Variants in INPP4B observed in about 807,000 individuals in gnomAD.
INPP4B encodes the protein inositol polyphosphate-4-phosphatase type II B.
Under a neutral mutation model 122.5 loss-of-function variants are expected in INPP4B, and 55 were observed. The observed-to-expected ratio is 0.45, with a 90% CI of 0.36 to 0.56. The LOEUF is 0.56. Among genes scored for constraint, INPP4B ranks in the 20% least tolerant of loss-of-function variants. INPP4B has a pLI of 0.00. For missense variants in INPP4B, 1,000 were observed against 1,097.7 expected, an observed-to-expected ratio of 0.91 and a Z score of 1.26; for synonymous variants, 403 against 388.7, an observed-to-expected ratio of 1.04 and a Z score of -0.43.
intron 9 of INPP4B, among the ~76,000 whole-genome samples, chr4:142,302,477 G>A (rs565118441): frequency 6.6e-6 from 1 of 152,214 alleles, no homozygotes; most frequent in East Asian, 1.9e-4. Context: ...TTCATACCCT[G>A]CCTTTCCCAT....
At position 142,293,040 on chromosome 4, in the gene INPP4B, C is replaced by CTTTTTT. The variant is rs367850143; in HGVS notation, c.503+12412_503+12417dup. Among the ~76,000 whole-genome samples the CTTTTTT allele has an allele frequency of 1.4e-5, 2 of 145,926 alleles. 1 individual carries two copies. The stretch of plus-strand genomic sequence containing the variant: ...AAGGTAATTACCTAATTTTTATACC[C>CTTTTTT]TTTTTTTTTTTTTTTAAGACAGAGT... On this transcript the variant is annotated intron_variant, in intron 9 of 25. Coordinates refer to ENST00000262992, the MANE Select transcript of INPP4B (RefSeq NM_001101669.3).
chr4:142,321,668 C>T (rs1320817838), intron 7 of INPP4B, among the ~76,000 whole-genome samples: 1 of 152,006 alleles, frequency 6.6e-6, no homozygotes, highest in East Asian at 1.9e-4. Context: ...TGTTCCGGCA[C>T]CATTTGTTGA....
chr4:142,339,363 C>G (rs532852966), intron 7 of INPP4B, among the ~76,000 whole-genome samples: 1 of 152,302 alleles, frequency 6.6e-6, no homozygotes, highest in Non-Finnish European at 1.5e-5. Context: ...ATTGTAAGTG[C>G]TGCTTTCCTA....
intron 9 of INPP4B, among the ~76,000 whole-genome samples, chr4:142,288,445 G>A (rs764453644): frequency 3.9e-5 from 6 of 152,126 alleles, no homozygotes; most frequent in South Asian, 2.1e-4. Flanking sequence ...TTAGCTGAGC[G>A]TGGTGTCAGG....
chr4:142,471,438 C>T (rs1818809389), intron 2 of INPP4B, among the ~76,000 whole-genome samples: 1 of 152,216 alleles, frequency 6.6e-6, no homozygotes, highest in African/African-American at 2.4e-5. Flanking sequence ...GTCAAGGAAA[C>T]ATCCCACCTT....
At chr4:142,081,724 G>A (rs963541910) in intron 25 of INPP4B, among the ~76,000 whole-genome samples, 2 of 151,960 alleles carry the variant, frequency 1.3e-5, no homozygotes, top group African/African-American at 4.8e-5. Flanking sequence ...TTGAGCCAAT[G>A]AGCTAATAAA....
At chr4:142,460,644 T>C (rs1456081567) in intron 3 of INPP4B, among the ~76,000 whole-genome samples, 1 of 152,168 alleles carries the variant, frequency 6.6e-6, no homozygotes, top group Non-Finnish European at 1.5e-5. Flanking sequence ...CTGTCTCTTG[T>C]CTTTCTGGTA....
Position 142,362,059 on chromosome 4 carries a change from G to A in INPP4B, c.372+40879C>T, listed in dbSNP as rs572372914. 3.3e-5 allele frequency among the ~76,000 whole-genome samples: 5 copies of A among 152,106 alleles called. No individual in the cohort carries two copies. The South Asian group carries it at 1.0e-3, about 32-fold the overall frequency. ...CAGGTGTCATAAGTATGACACAGATGTTAGAGAAGTTTAGAGGAGAGAGAG... is the reference window on the plus strand; with the variant it reads ...CAGGTGTCATAAGTATGACACAGATATTAGAGAAGTTTAGAGGAGAGAGAG... On this transcript the variant is annotated intron_variant, in intron 7 of 25. Coordinates refer to ENST00000262992, the MANE Select transcript of INPP4B (RefSeq NM_001101669.3).
chr4:142,525,226 C>A (rs1318790115), intron 2 of INPP4B, among the ~76,000 whole-genome samples: 83 of 151,514 alleles, frequency 5.5e-4, no homozygotes, highest in East Asian at 1.8e-3. Flanking sequence ...CCACTGCTCA[C>A]TGAAATAAAA....
chr4:142,555,941 G>C (rs1166150917), intron 2 of INPP4B, among the ~76,000 whole-genome samples: 2 of 152,028 alleles, frequency 1.3e-5, no homozygotes, highest in African/African-American at 4.8e-5. Flanking sequence ...TGCTGTGTGT[G>C]TGTGTATATA....
intron 2 of INPP4B, among the ~76,000 whole-genome samples, chr4:142,643,988 G>A (rs1020584087): frequency 1.3e-5 from 2 of 151,878 alleles, no homozygotes; most frequent in African/African-American, 4.8e-5. Flanking sequence ...ATCATTTGAG[G>A]CCAGGAGTTC....
At chr4:142,308,506 T>G (rs1764265143) in intron 8 of INPP4B, among the ~76,000 whole-genome samples, 1 of 152,152 alleles carries the variant, frequency 6.6e-6, no homozygotes, top group Non-Finnish European at 1.5e-5. Context: ...GGTTTCTTGT[T>G]TTCTTCACCT....
intron 5 of INPP4B, among the ~76,000 whole-genome samples, chr4:142,424,164 CTCAG>C (rs1453806105): frequency 6.6e-6 from 1 of 151,834 alleles, no homozygotes; most frequent in Non-Finnish European, 1.5e-5. Flanking sequence ...CTTAGTTAGC[CTCAG>C]TGACTACGCT....
chr4:142,087,414 G>A (rs551298262), intron 23 of INPP4B, among the ~76,000 whole-genome samples: 5 of 152,266 alleles, frequency 3.3e-5, no homozygotes, highest in South Asian at 2.1e-4. Context: ...GACAATGTAC[G>A]TTATGACCCA....
chr4:142,570,365 A>C (rs970241919), intron 2 of INPP4B, among the ~76,000 whole-genome samples: 3 of 152,100 alleles, frequency 2.0e-5, no homozygotes, highest in Admixed American at 1.3e-4. Context: ...CACAATAAAA[A>C]AATTAAGTAA....
At chr4:142,643,249 C>T (rs1750946539) in intron 2 of INPP4B, among the ~76,000 whole-genome samples, 1 of 151,782 alleles carries the variant, frequency 6.6e-6, no homozygotes, top group Non-Finnish European at 1.5e-5. Context: ...CTTCTCACAA[C>T]AACATGATGA....
intron 2 of INPP4B, among the ~76,000 whole-genome samples, chr4:142,510,023 T>A (rs1328373219): frequency 6.6e-6 from 1 of 152,202 alleles, no homozygotes; most frequent in Admixed American, 6.5e-5. Flanking sequence ...GAGAGCAAAC[T>A]ATCTCTTCCA....
chr4:142,260,385 T>A (rs1739298457), intron 11 of INPP4B, 107 bp downstream of exon 11: 2 of 740,074 alleles, frequency 2.7e-6, no homozygotes, highest in Non-Finnish European at 4.8e-6. Context: ...CCAGTGTATT[T>A]ACTAAGCTTC....
chr4:142,030,422 C>A, intron 25 of INPP4B: 2 of 830,254 alleles, frequency 2.4e-6, no homozygotes, highest in South Asian at 4.1e-5. Context: ...ACAACTCTTT[C>A]AGATGAAATC....
Sources: allele counts gnomAD v4.1 joint callset (sites outside exome capture counted in the v4.1 genomes callset), GRCh38; gene constraint gnomAD v4.1.1; transcripts MANE v1.5; gene names NCBI Gene and HGNC (gene_info 2026-07-23, HGNC 2026-07-21).